Variants in CSMD1 observed in about 807,000 individuals in gnomAD.
CSMD1 encodes CUB and sushi domain-containing protein 1.
CSMD1 carries 213 observed loss-of-function variants against 417.5 expected under a neutral mutation model. The observed-to-expected ratio is 0.51, with a 90% CI of 0.46 to 0.57. The LOEUF is 0.57. Ranked by LOEUF, CSMD1 falls within the 20% of genes least tolerant of loss-of-function variation. The pLI, the probability that CSMD1 is intolerant of heterozygous loss-of-function variation, is 0.00. For synonymous variants in CSMD1, 2,862 were observed against 1,736.8 expected (o/e 1.65, Z -16.11); for missense variants, 6,923 against 4,529.7 (o/e 1.53, Z -15.17).
chr8:4,889,490 C>G (rs529913925), intron 1 of CSMD1, among the ~76,000 whole-genome samples: 1 of 151,930 alleles, frequency 6.6e-6, no homozygotes, highest in Non-Finnish European at 1.5e-5. Flanking sequence ...ATTTTCCTTG[C>G]TTATATCCTT....
intron 3 of CSMD1, among the ~76,000 whole-genome samples, chr8:4,177,071 C>T (rs1046228186): frequency 1.3e-5 from 2 of 152,106 alleles, no homozygotes; most frequent in Admixed American, 1.3e-4. Context: ...ATCTCTGCAC[C>T]AAGCGGACCT....
At chr8:4,819,187 A>C (rs780554776) in intron 1 of CSMD1, among the ~76,000 whole-genome samples, 2 of 152,142 alleles carry the variant, frequency 1.3e-5, no homozygotes, top group African/African-American at 4.8e-5. Context: ...ACACACATTC[A>C]ATTTTTTTGA....
At chr8:3,263,417 C>G (rs563572863) in intron 26 of CSMD1, among the ~76,000 whole-genome samples, 17 of 152,282 alleles carry the variant, frequency 1.1e-4, no homozygotes, top group African/African-American at 3.8e-4. Flanking sequence ...TCCACTGTTA[C>G]AGTTGTATTC....
chr8:3,257,108 G>A (rs1800709284), intron 26 of CSMD1, among the ~76,000 whole-genome samples: 1 of 152,128 alleles, frequency 6.6e-6, no homozygotes, highest in Non-Finnish European at 1.5e-5. Flanking sequence ...GATCACTTGA[G>A]GTCAGGAGTT....
chr8:4,645,304 A>C (rs1341692623), intron 1 of CSMD1, among the ~76,000 whole-genome samples: 1 of 151,998 alleles, frequency 6.6e-6, no homozygotes, highest in Non-Finnish European at 1.5e-5. Flanking sequence ...TGTTGCCCCC[A>C]GGGGAGGCAG....
At chr8:4,878,983 T>A (rs1225852425) in intron 1 of CSMD1, among the ~76,000 whole-genome samples, 1 of 151,726 alleles carries the variant, frequency 6.6e-6, no homozygotes, top group African/African-American at 2.4e-5. Flanking sequence ...AGAGGGGTCA[T>A]GGGAGAACAG....
intron 1 of CSMD1, among the ~76,000 whole-genome samples, chr8:4,822,286 G>T (rs1054203847): frequency 6.6e-6 from 1 of 152,110 alleles, no homozygotes; most frequent in African/African-American, 2.4e-5. Flanking sequence ...GCTGTCTTAG[G>T]ACACCAGATA....
intron 12 of CSMD1, among the ~76,000 whole-genome samples, chr8:3,425,344 C>T (rs572722440): frequency 1.3e-5 from 2 of 151,578 alleles, no homozygotes; most frequent in East Asian, 3.9e-4. Flanking sequence ...AATCCCAGCA[C>T]TTTGGGAGGC....
At chr8:3,304,119 T>A (rs1038346862) in intron 25 of CSMD1, among the ~76,000 whole-genome samples, 1 of 152,180 alleles carries the variant, frequency 6.6e-6, no homozygotes. Context: ...GGCTGTTTAT[T>A]CATTCCTTGA....
At chr8:2,985,944 G>GAAGGA (rs1440049414) in intron 54 of CSMD1, among the ~76,000 whole-genome samples, 8 of 136,598 alleles carry the variant, frequency 5.9e-5, no homozygotes, top group African/African-American at 2.3e-4. Flanking sequence ...GGGAAGGGAA[G>GAAGGA]GGGAAGGGGA....
chr8:3,631,276 A>G (rs769810639), intron 7 of CSMD1, among the ~76,000 whole-genome samples: 19 of 152,162 alleles, frequency 1.2e-4, no homozygotes, highest in African/African-American at 1.7e-4. Flanking sequence ...CCTTCCAACT[A>G]TCATGTAGGC....
Position 2,935,497 on chromosome 8 carries a change from T to C in CSMD1, c.*3088A>G, listed in dbSNP as rs369106839. The C allele has an allele frequency of 2.0e-5, 3 of 152,360 alleles. No individual in the cohort carries two copies. In the South Asian group the frequency reaches 6.2e-4, roughly 32 times the overall value. 9.4% of individuals were successfully genotyped at this position (152,360 alleles called of 1,614,324 possible). ...TTTTAACAGGCCACTTTAATATTAATACATGTGTAATAGGATTGGAACTGA... is the reference window on the plus strand; with the variant it reads ...TTTTAACAGGCCACTTTAATATTAACACATGTGTAATAGGATTGGAACTGA... On this transcript the variant is annotated 3_prime_UTR_variant, in exon 70 of 70. Transcript: ENST00000635120.
intron 1 of CSMD1, among the ~76,000 whole-genome samples, chr8:4,882,133 T>A (rs555430251): frequency 6.6e-6 from 1 of 152,170 alleles, no homozygotes; most frequent in South Asian, 2.1e-4. Context: ...AGTAGGCTGA[T>A]GAAGCACATG....
At chr8:4,687,234 C>A (rs1806450707) in intron 1 of CSMD1, among the ~76,000 whole-genome samples, 1 of 152,160 alleles carries the variant, frequency 6.6e-6, no homozygotes. Context: ...CTCCAGGCCC[C>A]TGGTAGCCAC....
chr8:3,956,740 T>C lies in CSMD1; in HGVS notation c.818+41163A>G, dbSNP rs572410311. On this transcript the variant is annotated intron_variant, in intron 5 of 69. Transcript: ENST00000635120. The stretch of plus-strand genomic sequence containing the variant: ...TAAGGAAGTTCAGTTGGGCTGAACG[T>C]TCTTTAGCCCAACTCCAAAGCTTAG... 4.6e-5 allele frequency among the ~76,000 whole-genome samples: 7 copies of C among 152,224 alleles called. No individual in the cohort carries two copies. The East Asian group carries it at 1.4e-3, about 30-fold the overall frequency.
intron 1 of CSMD1, among the ~76,000 whole-genome samples, chr8:4,893,308 G>C (rs895429517): frequency 3.3e-5 from 5 of 151,958 alleles, no homozygotes; most frequent in African/African-American, 1.2e-4. Flanking sequence ...TATATATTCT[G>C]TAGAGTAATC....
intron 1 of CSMD1, among the ~76,000 whole-genome samples, chr8:4,785,627 C>T (rs80256094): frequency 0.01 from 1,582 of 152,182 alleles, 10 homozygotes; most frequent in East Asian, 0.056. Flanking sequence ...TCAGCTCACA[C>T]ACAGACTCAG....
At chr8:4,422,068 C>G (rs368334100) in intron 2 of CSMD1, among the ~76,000 whole-genome samples, 4 of 152,146 alleles carry the variant, frequency 2.6e-5, no homozygotes, top group East Asian at 3.9e-4. Flanking sequence ...CTAACTCAAA[C>G]AAATGAACTA....
At chr8:4,143,504 A>G (rs538811459) in intron 3 of CSMD1, among the ~76,000 whole-genome samples, 5 of 150,958 alleles carry the variant, frequency 3.3e-5, no homozygotes, top group African/African-American at 1.2e-4. Flanking sequence ...TGGTTAAACT[A>G]AAGAAGAAGT....
Sources: gnomAD v4.1 joint callset for allele counts (sites outside exome capture counted in the v4.1 genomes callset) on GRCh38, gnomAD v4.1.1 for gene constraint, MANE v1.5 for transcripts, NCBI Gene and HGNC (gene_info 2026-07-23, HGNC 2026-07-21) for gene names.